SOX5: variants seen among roughly 807,000 people sequenced by gnomAD.
SOX5 encodes the protein SRY-box transcription factor 5.
Under a neutral mutation model 92.0 loss-of-function variants are expected in SOX5, and 9 were observed. The observed-to-expected ratio is 0.10, with a 90% confidence interval of 0.06 to 0.17. SOX5 has a LOEUF of 0.17. SOX5 is among the 10% of genes least tolerant of loss of function. The pLI is 1.00. For missense variants in SOX5, 642 were observed against 944.5 expected (o/e 0.68, Z 4.20); for synonymous variants, 344 against 336.3 (o/e 1.02, Z -0.25).
In SOX5 at chr12:24,476,422, A is replaced by G. The variant is rs570198213; in HGVS notation, c.-251+85907T>C. Among the ~76,000 whole-genome samples, 6 of 152,364 alleles carry G rather than the reference A, an allele frequency of 3.9e-5. No individual in the cohort carries two copies. In the South Asian group the frequency reaches 1.2e-3, roughly 32 times the overall value. On this transcript the variant is annotated intron_variant, in intron 1 of 4. Coordinates refer to the SOX5 transcript ENST00000446891. Reference sequence around the variant, plus strand: ...GAGTACTGCTGCTCCAGAGAACTCAACTAGAACCCATAAATAGACATTCTA... The same window carrying G: ...GAGTACTGCTGCTCCAGAGAACTCAGCTAGAACCCATAAATAGACATTCTA...
intron 2 of SOX5, among the ~76,000 whole-genome samples, chr12:23,856,647 T>C (rs1010205205): frequency 2.0e-5 from 3 of 152,142 alleles, no homozygotes; most frequent in African/African-American, 7.2e-5. Context: ...CTGCAAGATA[T>C]GCCAAAGGTA....
At chr12:23,601,124 C>T (rs1468356849) in intron 9 of SOX5, among the ~76,000 whole-genome samples, 1 of 152,136 alleles carries the variant, frequency 6.6e-6, no homozygotes, top group East Asian at 1.9e-4. Context: ...CTCTCGCGCA[C>T]ACACTCCCCA....
intron 1 of SOX5, among the ~76,000 whole-genome samples, chr12:23,897,887 T>A (rs897097901): frequency 1.6e-4 from 24 of 152,172 alleles, no homozygotes; most frequent in Non-Finnish European, 3.1e-4. Context: ...TAGATTTGGA[T>A]ACCACATTTC....
rs118034258 is a variant in SOX5, at chr12:23,852,329, T to C, written c.271-6136A>G. ...GCACACTCTCGGGGCAGACTGAATATTCTAGACAGTAACAGTCCTCATCAA... is the reference window on the plus strand; with the variant it reads ...GCACACTCTCGGGGCAGACTGAATACTCTAGACAGTAACAGTCCTCATCAA... On this transcript the variant is annotated intron_variant, in intron 2 of 14. Transcript: ENST00000451604. 2.2e-3 allele frequency among the ~76,000 whole-genome samples: 339 copies of C among 152,260 alleles called. 2 individuals carry two copies. Among genetic ancestry groups the C allele is most frequent in the Non-Finnish European group, 4.1e-3 (277 of 68,012 alleles).
intron 6 of SOX5, among the ~76,000 whole-genome samples, chr12:23,717,518 T>G (rs537627724): frequency 7.9e-5 from 12 of 152,186 alleles, no homozygotes; most frequent in Non-Finnish European, 1.6e-4. Flanking sequence ...CTGGAGCATT[T>G]CTCACCATCA....
rs1192852077 is a variant in SOX5, at chr12:23,604,340, G to A, written c.1164+47C>T. Reference sequence around the variant, plus strand: ...AGACATTTAATAAATACCATTGAATGAAAAATAAAGCTAAGTGGCAAGACA... The same window carrying A: ...AGACATTTAATAAATACCATTGAATAAAAAATAAAGCTAAGTGGCAAGACA... On this transcript the variant is annotated intron_variant, in intron 9 of 14. Transcript: ENST00000451604. 4 of 1,601,580 alleles carry A rather than the reference G, an allele frequency of 2.5e-6. No individual in the cohort carries two copies. In the South Asian group the frequency reaches 3.3e-5, roughly 13 times the overall value.
At chr12:23,697,175 T>C (rs2089995668) in intron 6 of SOX5, among the ~76,000 whole-genome samples, 2 of 152,218 alleles carry the variant, frequency 1.3e-5, no homozygotes, top group South Asian at 4.1e-4. Flanking sequence ...ATTATTGAAA[T>C]ATCCAACTGT....
intron 1 of SOX5, among the ~76,000 whole-genome samples, chr12:24,466,693 C>T: frequency 6.6e-6 from 1 of 152,146 alleles, no homozygotes; most frequent in East Asian, 1.9e-4. Context: ...TTAATTCACC[C>T]CCAAGACAAG....
At chr12:24,430,443 G>T (rs778637524) in intron 1 of SOX5, among the ~76,000 whole-genome samples, 3 of 151,700 alleles carry the variant, frequency 2.0e-5, no homozygotes, top group Non-Finnish European at 2.9e-5. Context: ...TGATATTTAT[G>T]AGGGTATATA....
chr12:24,025,387 G>GA (rs1569502665), intron 4 of SOX5, among the ~76,000 whole-genome samples: 1 of 152,066 alleles, frequency 6.6e-6, no homozygotes, highest in East Asian at 1.9e-4. Context: ...ACAATGAAAA[G>GA]AATCCAGTCT....
intron 4 of SOX5, among the ~76,000 whole-genome samples, chr12:24,150,155 A>G (rs1455449382): frequency 1.3e-5 from 2 of 152,160 alleles, no homozygotes; most frequent in South Asian, 2.1e-4. Context: ...ATCTCAATAC[A>G]GTTGTTAGAA....
At position 24,308,221 on chromosome 12, in the gene SOX5, C is replaced by T. The variant is rs112388421; in HGVS notation, c.-173-30909G>A. Among the ~76,000 whole-genome samples, 1,275 of 152,228 alleles carry T rather than the reference C, an allele frequency of 8.4e-3. 15 individuals carry two copies. The highest frequency in any genetic ancestry group is 0.028 in the African/African-American group (1,174 of 41,538). On this transcript the variant is annotated intron_variant, in intron 2 of 4. Coordinates refer to the SOX5 transcript ENST00000446891. ...AGAACTCCAGTGAACACACTGCTCC[C>T]CTCCCAAGTGCTGGCAGGCCACTGT...
chr12:24,311,817 C>T (rs1462406517), intron 2 of SOX5, among the ~76,000 whole-genome samples: 2 of 152,216 alleles, frequency 1.3e-5, no homozygotes, highest in Admixed American at 6.5e-5. Context: ...TGTCTATTTG[C>T]CTCCTTTTTA....
intron 9 of SOX5, among the ~76,000 whole-genome samples, chr12:23,591,523 A>T (rs1467660599): frequency 6.6e-6 from 1 of 152,178 alleles, no homozygotes; most frequent in African/African-American, 2.4e-5. Flanking sequence ...GCTAATAGAA[A>T]AAGATAAGCA....
At chr12:24,218,807 T>C (rs943286587) in intron 3 of SOX5, among the ~76,000 whole-genome samples, 2 of 152,112 alleles carry the variant, frequency 1.3e-5, no homozygotes, top group East Asian at 1.9e-4. Context: ...ATAACATTAA[T>C]GGCATACCAT....
intron 3 of SOX5, among the ~76,000 whole-genome samples, chr12:23,777,299 A>G (rs1347830058): frequency 6.6e-6 from 1 of 152,206 alleles, no homozygotes; most frequent in Non-Finnish European, 1.5e-5. Context: ...ATTATCTCCC[A>G]TGTATGCTAT....
intron 1 of SOX5, among the ~76,000 whole-genome samples, chr12:24,461,262 T>TTTAC (rs1555305632): frequency 2.0e-5 from 3 of 152,048 alleles, no homozygotes; most frequent in Non-Finnish European, 4.4e-5. Flanking sequence ...AAGCTGGTCA[T>TTTAC]TTAAGTCAGA....
intron 4 of SOX5, among the ~76,000 whole-genome samples, chr12:24,183,328 C>G (rs1245066954): frequency 6.6e-6 from 1 of 152,144 alleles, no homozygotes; most frequent in Non-Finnish European, 1.5e-5. Flanking sequence ...ATTGAAACAG[C>G]ATTCGTGCAC....
intron 3 of SOX5, among the ~76,000 whole-genome samples, chr12:23,771,201 A>AAG (rs2094924914): frequency 1.3e-5 from 2 of 151,250 alleles, no homozygotes; most frequent in South Asian, 2.1e-4. Flanking sequence ...AAAAAAAAAA[A>AAG]AAAGAAAGAA....
Sources: allele counts gnomAD v4.1 joint callset (sites outside exome capture counted in the v4.1 genomes callset), GRCh38; gene constraint gnomAD v4.1.1; transcripts MANE v1.5; gene names NCBI Gene and HGNC (gene_info 2026-07-23, HGNC 2026-07-21).